The following DNAH10 variants were observed in gnomAD, a reference collection of about 807,000 sequenced individuals.
The protein encoded by DNAH10 is axonemal beta dynein heavy chain 10.
In DNAH10, 348 loss-of-function variants were observed where a neutral mutation model predicts 506.6. The observed-to-expected ratio is 0.69, with a 90% CI of 0.63 to 0.75. DNAH10 has a LOEUF of 0.75. Among genes scored for constraint, DNAH10 ranks in the 30% least tolerant of loss-of-function variants. The pLI is 0.00. For synonymous variants in DNAH10, 2,059 were observed against 2,198.6 expected (o/e 0.94, Z 1.78); for missense variants, 5,179 against 5,787.1 (o/e 0.89, Z 3.41).
chr12:123,820,841 A>C, intron 24 of DNAH10, 83 bp downstream of exon 24: 1 of 1,469,610 alleles, frequency 6.8e-7, no homozygotes, highest in Non-Finnish European at 9.3e-7. Flanking sequence ...CTTTGATGCC[A>C]CCATAATAAT....
At position 123,784,096 on chromosome 12, in the gene DNAH10, A is replaced by G. The variant is rs777841997; in HGVS notation, c.1149A>G (p.Pro383=). 3.9e-5 allele frequency: 63 copies of G among 1,614,122 alleles called. No homozygotes were observed. Among genetic ancestry groups the G allele is most frequent in the Non-Finnish European group, 4.9e-5 (58 of 1,180,058 alleles). ...CCATGCTTGTGGCTAATCTGCAGCC[A>G]GTGTTCACCGAGTTATTCAAGTTCC... The part of the protein sequence containing the change: ...SDSMLVANLQ[P]VFTELFKFHT... The change falls in exon 8 of 79, where the codon CCA becomes CCG. Residue 383 remains proline (P), a synonymous_variant. Coordinates refer to ENST00000673944, the MANE Select transcript of DNAH10 (RefSeq NM_001372106.1).
chr12:123,789,957 C>T lies in DNAH10; in HGVS notation c.1651C>T (p.Pro551Ser). Residue 551 changes from proline to serine, a missense_variant, in exon 11 of 79, where the codon CCA becomes TCA. By Grantham distance (74) the Pro-to-Ser change is moderately conservative. Transcript: ENST00000673944. ...ILEEFYNIFG[P>S]ELKAVTGDPK... ...GGAGGAATTTTATAACATATTTGGT[C>T]CAGAACTAAAGGCAGTGACGGGGGA... The T allele has an allele frequency of 1.2e-6, 2 of 1,613,672 alleles. No homozygotes were observed. The highest frequency in any genetic ancestry group is 8.5e-7 in the Non-Finnish European group (1 of 1,179,848).
Position 123,909,327 on chromosome 12 carries a change from C to T in DNAH10, c.9882C>T (p.Tyr3294=). Residue 3294 remains tyrosine (Y), a synonymous_variant, in exon 58 of 79, where the codon TAC becomes TAT. Transcript: ENST00000673944. This position sits in a 1 kb window ranked among gnomAD's most constrained non-coding sequence, Gnocchi z 5.4. ...AATGCATCCTCATCATGAAAGGGTA[C>T]AAAGAGCTGAACTGGAAAACAGCCA... ...VCECILIMKG[Y]KELNWKTAKG... 1 of 1,613,380 alleles carries T rather than the reference C, an allele frequency of 6.2e-7. No homozygotes were observed. Among genetic ancestry groups the T allele is most frequent in the Non-Finnish European group, 8.5e-7 (1 of 1,179,696 alleles).
intron 60 of DNAH10, among the ~76,000 whole-genome samples, chr12:123,914,012 A>G (rs1482607885): frequency 6.6e-6 from 1 of 152,192 alleles, no homozygotes; most frequent in African/African-American, 2.4e-5. Context: ...GCTGATTTAT[A>G]TGTCTTTGAT....
Position 123,846,143 on chromosome 12 carries a change from A to G in DNAH10, c.5803A>G (p.Thr1935Ala), listed in dbSNP as rs1289702672. The G allele has an allele frequency of 1.9e-6, 3 of 1,611,880 alleles. No individual in the cohort carries two copies. The highest frequency in any genetic ancestry group is 2.5e-6 in the Non-Finnish European group (3 of 1,178,916). ...GCCCCTCACCGATCGGATTTACCTGACGCTCACCCAGGTGACTGCCAGCCT... is the reference window on the plus strand; with the variant it reads ...GCCCCTCACCGATCGGATTTACCTGGCGCTCACCCAGGTGACTGCCAGCCT... ...ITPLTDRIYL[T>A]LTQALSMYLG... Residue 1935 changes from threonine (T) to alanine (A), a missense_variant, in exon 32 of 79, where the codon ACG (threonine) becomes GCG (alanine). Physicochemically the swap from Thr to Ala is moderately conservative, Grantham distance 58 (BLOSUM62 0). Transcript: ENST00000673944. The surrounding 1 kb of genome is among the most constrained non-coding windows in gnomAD (Gnocchi z 4.5).
intron 39 of DNAH10, 120 bp downstream of exon 39, chr12:123,861,290 T>A: frequency 3.1e-6 from 4 of 1,296,388 alleles, no homozygotes; most frequent in Non-Finnish European, 4.2e-6. Context: ...AGACTTAGAG[T>A]CCAGTCTTGG....
rs202082455 is a variant in DNAH10, at chr12:123,774,273, G to A, written c.621+9G>A. 1,564 of 1,557,024 alleles carry A rather than the reference G, an allele frequency of 1.0e-3. 7 individuals carry two copies. In the African/African-American group the frequency reaches 0.015, roughly 14 times the overall value. On this transcript the variant is annotated intron_variant, in intron 5 of 78. Coordinates refer to ENST00000673944, the MANE Select transcript of DNAH10 (RefSeq NM_001372106.1). ...AGAATATTATATGTCAGGTAAACAT[G>A]GAGAAAGGAAGAAATTCTAGTATTT...
At chr12:123,781,645 T>C (rs906247599) in intron 6 of DNAH10, among the ~76,000 whole-genome samples, 1 of 152,148 alleles carries the variant, frequency 6.6e-6, no homozygotes, top group Admixed American at 6.5e-5. Context: ...TTTGTATTTT[T>C]AATAGAGACG....
In DNAH10 at chr12:123,873,704, G is replaced by A. The variant is rs191696573; in HGVS notation, c.7932G>A (p.Met2644Ile). Residue 2644 changes from methionine to isoleucine, a missense_variant, in exon 46 of 79, where the codon ATG (methionine) becomes ATA (isoleucine). Around this residue, in one of 3 missense-constraint regions of DNAH10, gnomAD observed 4,844 missense variants for 5,430.5 expected, o/e 0.89. Transcript: ENST00000673944. ...RLLVFMDDMN[M>I]PRVDEYGTQQ... ...TGGTGTTCATGGATGACATGAATAT[G>A]CCAAGGGTAGTTTGACGCTCAAGCA... is the stretch of plus-strand genomic sequence containing the variant. The A allele has an allele frequency of 6.2e-5, 100 of 1,607,872 alleles. No homozygotes were observed. The highest frequency in any genetic ancestry group is 8.2e-5 in the Non-Finnish European group (97 of 1,176,988).
chr12:123,796,200 T>C (rs531301083), intron 12 of DNAH10, among the ~76,000 whole-genome samples: 5 of 152,084 alleles, frequency 3.3e-5, no homozygotes, highest in Admixed American at 6.6e-5. Flanking sequence ...CTCACGCCTG[T>C]CCTCGCAGCA....
Position 123,864,676 on chromosome 12 carries a change from A to G in DNAH10, c.6990A>G (p.Thr2330=), listed in dbSNP as rs767632094. The G allele has an allele frequency of 1.3e-5, 21 of 1,613,902 alleles. No individual in the cohort carries two copies. Among genetic ancestry groups the G allele is most frequent in the Admixed American group, 3.3e-5 (2 of 60,024 alleles). The change falls in exon 40 of 79, where the codon ACA becomes ACG. Residue 2330 remains threonine (T), a synonymous_variant. Coordinates refer to ENST00000673944, the MANE Select transcript of DNAH10 (RefSeq NM_001372106.1). ...TGATGGATGACAACAGGTTGTTGAC[A>G]TTGGCCAACGGGGAACGCATCCGGC... ...NSVMDDNRLL[T]LANGERIRLQ... is the part of the protein sequence containing the mutation.
chr12:123,818,801 A>G (rs1431219845), intron 21 of DNAH10, 149 bp from the exon 22 acceptor site: 1 of 611,448 alleles, frequency 1.6e-6, no homozygotes, highest in Admixed American at 2.9e-5. Context: ...TCTGGCCTTA[A>G]TATTTCAATC....
rs1035461540 is a variant in DNAH10, at chr12:123,928,638, A to C, written c.12306+51A>C. On this transcript the variant is annotated intron_variant, in intron 70 of 78. Coordinates refer to ENST00000673944, the MANE Select transcript of DNAH10 (RefSeq NM_001372106.1). This position sits in a 1 kb window ranked among gnomAD's most constrained non-coding sequence, Gnocchi z 4.9. ...ATGCCAGCACGCAGCTTCTCAGAAC[A>C]CCTGCATGCTGCTCTGGGGCCGGGG... The C allele has an allele frequency of 1.8e-5, 27 of 1,533,246 alleles. No homozygotes were observed. Among genetic ancestry groups the C allele is most frequent in the Non-Finnish European group, 2.4e-5 (27 of 1,135,132 alleles). The allele number at this position is 1,533,246 out of a possible 1,614,324, so 95.0% of individuals were successfully genotyped here.
intron 62 of DNAH10, 128 bp downstream of exon 62, chr12:123,915,127 C>G: frequency 7.7e-7 from 1 of 1,303,014 alleles, no homozygotes; most frequent in Non-Finnish European, 1.0e-6. Flanking sequence ...CCATCCTGAC[C>G]CCCATGCGGA....
intron 37 of DNAH10, among the ~76,000 whole-genome samples, chr12:123,858,071 G>GT (rs544261109): frequency 1.3e-5 from 2 of 151,792 alleles, no homozygotes; most frequent in African/African-American, 2.4e-5. Flanking sequence ...TATATATATA[G>GT]TTTTTTTTCA....
intron 13 of DNAH10, among the ~76,000 whole-genome samples, chr12:123,798,109 T>G (rs1194740678): frequency 6.6e-6 from 1 of 152,256 alleles, no homozygotes; most frequent in Non-Finnish European, 1.5e-5. Context: ...CATTTCCTTC[T>G]CTTCATGTAA....
In DNAH10 at chr12:123,781,422, A is replaced by T. The variant is rs1295686791; in HGVS notation, c.841+123A>T. ...ATTTTTGTTTGTTTGTTTTGTGGAG[A>T]CGGGGTCTCACTTTGTCGCTCAGGC... is the stretch of plus-strand genomic sequence containing the variant. On this transcript the variant is annotated intron_variant, in intron 6 of 78. Coordinates refer to ENST00000673944, the MANE Select transcript of DNAH10 (RefSeq NM_001372106.1). 5.4e-6 allele frequency: 5 copies of T among 933,458 alleles called. No individual in the cohort carries two copies. In the East Asian group the frequency reaches 1.3e-4, roughly 24 times the overall value. 57.8% of individuals were successfully genotyped at this position (933,458 alleles called of 1,614,324 possible).
At chr12:123,915,074 A>G (rs1224941653) in intron 62 of DNAH10, 75 bp downstream of exon 62, 2 of 1,495,324 alleles carry the variant, frequency 1.3e-6, no homozygotes, top group African/African-American at 1.4e-5. Context: ...CGCCTCCTGT[A>G]CGTGGCAGTC....
At chr12:123,805,087 A>G in intron 18 of DNAH10, 47 bp downstream of exon 18, 2 of 1,586,388 alleles carry the variant, frequency 1.3e-6, no homozygotes, top group Non-Finnish European at 1.7e-6. Flanking sequence ...TGTAGATTAA[A>G]ACAGTTGACA....
Sources: gnomAD v4.1 joint callset for allele counts (sites outside exome capture counted in the v4.1 genomes callset) on GRCh38, gnomAD v4.1.1 for gene constraint, gnomAD v4.1.1 regional missense constraint, Gnocchi (gnomAD v3.1) non-coding constraint, MANE v1.5 for transcripts, NCBI Gene and HGNC (gene_info 2026-07-23, HGNC 2026-07-21) for gene names.